Variants in DNAJB5 observed in about 807,000 individuals in gnomAD.
The protein encoded by DNAJB5 is dnaJ homolog subfamily B member 5.
Under a neutral mutation model 32.6 loss-of-function variants are expected in DNAJB5, and 12 were observed. The observed-to-expected ratio is 0.37, with a 90% CI of 0.24 to 0.60. The LOEUF (loss-of-function observed/expected upper bound fraction) is 0.60, where lower values mean the gene tolerates loss of function less well. Ranked by LOEUF, DNAJB5 falls within the 20% of genes least tolerant of loss-of-function variation. DNAJB5 has a pLI of 0.71. For missense variants in DNAJB5, 358 were observed against 554.2 expected (o/e 0.65, Z 3.55); for synonymous variants, 188 against 212.9 (o/e 0.88, Z 1.02).
In DNAJB5 at chr9:34,993,205, A is replaced by G; in HGVS notation, c.188A>G (p.Lys63Arg). 1 of 1,610,244 alleles carries G rather than the reference A, an allele frequency of 6.2e-7. No homozygotes were observed. Among genetic ancestry groups the G allele is most frequent in the Non-Finnish European group, 8.5e-7 (1 of 1,178,752 alleles). ...TGGCCCTGGGTTTCTTTCAGAAACA[A>G]GGAGACCAGTGCTGGTCCAGTGGCT... is the stretch of plus-strand genomic sequence containing the variant. ...TLNGFVKFRNKETSAGPVAVM... is the reference protein window; with the variant it reads ...TLNGFVKFRNRETSAGPVAVM... Residue 63 changes from lysine to arginine, a missense_variant, in exon 3 of 5, where the codon AAG (lysine) becomes AGG (arginine). Physicochemically the swap from Lys to Arg is conservative, Grantham distance 26 (BLOSUM62 2). Coordinates refer to ENST00000682809, the MANE Select transcript of DNAJB5 (RefSeq NM_001349723.3). The surrounding 1 kb of genome is among the most constrained non-coding windows in gnomAD (Gnocchi z 4.7).
Position 34,989,823 on chromosome 9 carries a change from T to C in DNAJB5, c.-141T>C. On this transcript the variant is annotated 5_prime_UTR_variant, in exon 1 of 5. Coordinates refer to ENST00000682809, the MANE Select transcript of DNAJB5 (RefSeq NM_001349723.3). ...CACGGACCACGGCGGCGCCCGCAGC[T>C]CCTCACCGGTGAGGGCGCCAAGCCA... 1 of 1,231,972 alleles carries C rather than the reference T, an allele frequency of 8.1e-7. No individual in the cohort carries two copies. The highest frequency in any genetic ancestry group is 1.0e-6 in the Non-Finnish European group (1 of 988,278). The allele number at this position is 1,231,972 out of a possible 1,614,324, so 76.3% of individuals were successfully genotyped here. A position where few individuals can be genotyped will look rare whatever the true frequency, so the allele number is the denominator to read the frequency against.
intron 2 of DNAJB5, chr9:34,992,888 G>A (rs1827693070): frequency 1.7e-6 from 2 of 1,207,030 alleles, no homozygotes; most frequent in Non-Finnish European, 2.1e-6. Flanking sequence ...GCTCAGCAGG[G>A]CCTCTCAGGG....
At chr9:34,991,156 C>G in intron 2 of DNAJB5, 1 of 413,312 alleles carries the variant, frequency 2.4e-6, no homozygotes, top group African/African-American at 2.0e-5. Flanking sequence ...CAGCCATCTC[C>G]CCTCCCTGTA....
In DNAJB5 at chr9:34,996,477, G is replaced by A. The variant is rs150475871; in HGVS notation, c.640G>A (p.Gly214Ser). 584 of 1,614,110 alleles carry A rather than the reference G, an allele frequency of 3.6e-4. 1 individual carries two copies. The highest frequency in any genetic ancestry group is 4.6e-4 in the Non-Finnish European group (538 of 1,180,028). ...DEDEDPFGAF[G>S]RFGFNGLSRG... The stretch of plus-strand genomic sequence containing the variant: ...AGATGAGGACCCATTTGGCGCTTTC[G>A]GCCGTTTTGGCTTCAATGGGCTGAG... Residue 214 changes from glycine to serine, a missense_variant, in exon 4 of 5, where the codon GGC becomes AGC. By Grantham distance (56) the Gly-to-Ser change is moderately conservative. Coordinates refer to ENST00000682809, the MANE Select transcript of DNAJB5 (RefSeq NM_001349723.3). The surrounding 1 kb of genome is among the most constrained non-coding windows in gnomAD (Gnocchi z 7.2).
chr9:34,997,992 T>C lies in DNAJB5; in HGVS notation c.*733T>C. 1 of 155,504 alleles carries C rather than the reference T, an allele frequency of 6.4e-6. No homozygotes were observed. Among genetic ancestry groups the C allele is most frequent in the Non-Finnish European group, 1.4e-5 (1 of 69,848 alleles). 9.6% of individuals were successfully genotyped at this position (155,504 alleles called of 1,614,324 possible). On this transcript the variant is annotated 3_prime_UTR_variant, in exon 5 of 5. Transcript: ENST00000682809. This position sits in a 1 kb window ranked among gnomAD's most constrained non-coding sequence, Gnocchi z 4.1. Reference sequence around the variant, plus strand: ...GGAGGGCAGGGAATGGGGCCTGAGGTATTAAGGCTAAGAGGTGGGGGACAG... The same window carrying C: ...GGAGGGCAGGGAATGGGGCCTGAGGCATTAAGGCTAAGAGGTGGGGGACAG...
At chr9:34,995,918 G>C (rs113888162) in intron 3 of DNAJB5, among the ~76,000 whole-genome samples, 1,939 of 152,302 alleles carry the variant, frequency 0.013, 18 homozygotes, top group Admixed American at 0.03. Flanking sequence ...TGTGACACCA[G>C]GCTAGTCATT....
rs1477566729 is a variant in DNAJB5 at position 34,997,672 on chromosome 9, C to T, written c.*413C>T. 1 of 351,846 alleles carries T rather than the reference C, an allele frequency of 2.8e-6. No individual in the cohort carries two copies. Among genetic ancestry groups the T allele is most frequent in the East Asian group, 7.4e-5 (1 of 13,544 alleles). The allele number at this position is 351,846 out of a possible 1,614,324, so 21.8% of individuals were successfully genotyped here. A position where few individuals can be genotyped will look rare whatever the true frequency, so the allele number is the denominator to read the frequency against. On this transcript the variant is annotated 3_prime_UTR_variant, in exon 5 of 5. Coordinates refer to ENST00000682809, the MANE Select transcript of DNAJB5 (RefSeq NM_001349723.3). The surrounding 1 kb of genome is among the most constrained non-coding windows in gnomAD (Gnocchi z 4.1). ...TTCCTGCTGTTGGGGGTGGAAAAGA[C>T]TAGAAAGGACATTGCTTTCTCAGCC...
intron 3 of DNAJB5, among the ~76,000 whole-genome samples, chr9:34,995,887 G>A (rs1827776957): frequency 6.6e-6 from 1 of 152,144 alleles, no homozygotes; most frequent in African/African-American, 2.4e-5. Context: ...CAAAGATTTG[G>A]GAACCAAGTA....
chr9:34,994,690 A>G (rs1827744037), intron 3 of DNAJB5, among the ~76,000 whole-genome samples: 1 of 152,110 alleles, frequency 6.6e-6, no homozygotes, highest in African/African-American at 2.4e-5. Flanking sequence ...CTCCCTTGAG[A>G]TACTTCACCC....
chr9:34,994,240 C>CTCCCCAACAGAATCCACCCCCT (rs1304948512), intron 3 of DNAJB5, among the ~76,000 whole-genome samples: 1 of 152,236 alleles, frequency 6.6e-6, no homozygotes, highest in African/African-American at 2.4e-5. Context: ...ACTGTCCTTC[C>CTCCCCAACAGAATCCACCCCCT]TCCCCAACAG....
Position 34,990,559 on chromosome 9 carries a change from G to A in DNAJB5, c.-72G>A. 1 of 1,550,212 alleles carries A rather than the reference G, an allele frequency of 6.5e-7. No homozygotes were observed. The highest frequency in any genetic ancestry group is 8.7e-7 in the Non-Finnish European group (1 of 1,146,896). ...GCACGCGCCTCTGAGAGTCCAAGGA[G>A]GTGGCTTCCAGAGCTGCAGCACTTC... On this transcript the variant is annotated 5_prime_UTR_variant, in exon 2 of 5. Coordinates refer to ENST00000682809, the MANE Select transcript of DNAJB5 (RefSeq NM_001349723.3). The surrounding 1 kb of genome is among the most constrained non-coding windows in gnomAD (Gnocchi z 4.5).
At chr9:34,995,121 G>A (rs1827755571) in intron 3 of DNAJB5, among the ~76,000 whole-genome samples, 1 of 152,146 alleles carries the variant, frequency 6.6e-6, no homozygotes, top group African/African-American at 2.4e-5. Flanking sequence ...GGGGAGGGGT[G>A]AAGAGGCAGC....
intron 3 of DNAJB5, among the ~76,000 whole-genome samples, chr9:34,995,383 G>A (rs569389609): frequency 2.6e-5 from 4 of 152,092 alleles, no homozygotes; most frequent in Non-Finnish European, 5.9e-5. Flanking sequence ...CCCCTCCTGT[G>A]CATGAAGGCT....
intron 2 of DNAJB5, chr9:34,991,974 A>C (rs1827660323): frequency 6.5e-6 from 1 of 153,334 alleles, no homozygotes. Flanking sequence ...CCCTGCTGTG[A>C]AGCAGTCAGA....
chr9:34,989,802 G>C lies in DNAJB5; in HGVS notation c.-162G>C, dbSNP rs564773325. 3 of 1,232,358 alleles carry C rather than the reference G, an allele frequency of 2.4e-6. No homozygotes were observed. In the South Asian group the frequency reaches 1.2e-4, roughly 50 times the overall value. The allele number at this position is 1,232,358 out of a possible 1,614,324, so 76.3% of individuals were successfully genotyped here. On this transcript the variant is annotated 5_prime_UTR_variant, in exon 1 of 5. Coordinates refer to ENST00000682809, the MANE Select transcript of DNAJB5 (RefSeq NM_001349723.3). The stretch of plus-strand genomic sequence containing the variant: ...GGGAGGGGGCAGCGGCTGTCTCACG[G>C]ACCACGGCGGCGCCCGCAGCTCCTC...
At chr9:34,991,380 G>A (rs956747031) in intron 2 of DNAJB5, 7 of 456,130 alleles carry the variant, frequency 1.5e-5, no homozygotes, top group East Asian at 6.9e-5. Context: ...CTGTGTCTGC[G>A]GAGGCAAGAG....
Position 34,996,407 on chromosome 9 carries a change from T to C in DNAJB5, c.570T>C (p.Thr190=). ...TCTTCTTTGCCAGCAGCCGCTCCAC[T>C]CGGCCCTTCAGTGGCTTTGACCCAG... ...FDIFFASSRS[T]RPFSGFDPDD... The change falls in exon 4 of 5, where the codon ACT becomes ACC. Residue 190 remains threonine (T), a synonymous_variant. Transcript: ENST00000682809. This position sits in a 1 kb window ranked among gnomAD's most constrained non-coding sequence, Gnocchi z 7.2. 6.2e-7 allele frequency: 1 copy of C among 1,614,124 alleles called. No homozygotes were observed. The highest frequency in any genetic ancestry group is 1.3e-5 in the African/African-American group (1 of 75,010).
intron 2 of DNAJB5, chr9:34,991,455 A>G (rs1207062378): frequency 3.3e-5 from 15 of 454,898 alleles, no homozygotes; most frequent in South Asian, 1.1e-4. Context: ...TGTGGAGGTA[A>G]TGCAGGGACA....
Position 34,993,473 on chromosome 9 carries a change from C to T in DNAJB5, c.427+29C>T, listed in dbSNP as rs758540574. 2.1e-5 allele frequency: 33 copies of T among 1,591,902 alleles called. No homozygotes were observed. In the Middle Eastern group the frequency reaches 5.6e-4, roughly 27 times the overall value. ...AGAGGGCAGCACTCCAGCCCAATCC[C>T]GGACCCCTCCGCTTGGTAGGGGTCC... On this transcript the variant is annotated intron_variant, in intron 3 of 4. Coordinates refer to ENST00000682809, the MANE Select transcript of DNAJB5 (RefSeq NM_001349723.3). The surrounding 1 kb of genome is among the most constrained non-coding windows in gnomAD (Gnocchi z 4.7).
Sources: allele counts gnomAD v4.1 joint callset (sites outside exome capture counted in the v4.1 genomes callset), GRCh38; gene constraint gnomAD v4.1.1; non-coding constraint Gnocchi (gnomAD v3.1); transcripts MANE v1.5; gene names NCBI Gene and HGNC (gene_info 2026-07-23, HGNC 2026-07-21).